Variants in RAD52 observed in about 807,000 individuals in gnomAD.
The protein encoded by RAD52 is RAD52 DNA repair protein.
A neutral mutation model predicts 55.5 loss-of-function variants in RAD52; 47 were observed. The observed-to-expected ratio is 0.85, with a 90% CI of 0.67 to 1.08. The LOEUF (loss-of-function observed/expected upper bound fraction) is 1.08. Ranked by LOEUF, RAD52 falls within the 50% of genes least tolerant of loss-of-function variation. The pLI, the probability that RAD52 is intolerant of heterozygous loss-of-function variation, is 0.00. For missense variants in RAD52, 468 were observed against 522.8 expected (o/e 0.90, Z 1.02); for synonymous variants, 184 against 198.9 (o/e 0.92, Z 0.63).
intron 1 of RAD52, among the ~76,000 whole-genome samples, chr12:969,851 G>C (rs1472096335): frequency 2.6e-5 from 4 of 151,858 alleles, no homozygotes; most frequent in Non-Finnish European, 5.9e-5. Context: ...ACAAAATCTG[G>C]GAAAAGTAAA....
At chr12:918,661 T>C (rs2154109697) in intron 7 of RAD52, among the ~76,000 whole-genome samples, 1 of 152,228 alleles carries the variant, frequency 6.6e-6, no homozygotes, top group Non-Finnish European at 1.5e-5. Flanking sequence ...CCTTCTTCCT[T>C]GGCCTCTCAA....
chr12:966,973 G>A (rs189740797), intron 1 of RAD52, among the ~76,000 whole-genome samples: 7 of 152,090 alleles, frequency 4.6e-5, no homozygotes, highest in Middle Eastern at 3.4e-3. Flanking sequence ...AAATATGATG[G>A]CATACAACTG....
In RAD52 at chr12:914,540, TCA is replaced by T. The variant is rs1956254873; in HGVS notation, c.866-10_866-9del. The T allele has an allele frequency of 6.2e-7, 1 of 1,612,904 alleles. No individual in the cohort carries two copies. Among genetic ancestry groups the T allele is most frequent in the African/African-American group, 1.3e-5 (1 of 74,880 alleles). ...GAGGGGCCGGAGGCGCTGCTACGGT[TCA>T]CAGAGGAGAGAAAGGACAAGTCATC... is the stretch of plus-strand genomic sequence containing the variant. On this transcript the variant is annotated splice_polypyrimidine_tract_variant and intron_variant, in intron 9 of 11. Coordinates refer to ENST00000358495, the MANE Select transcript of RAD52 (RefSeq NM_134424.4).
chr12:969,030 A>G (rs1376143987), intron 1 of RAD52, among the ~76,000 whole-genome samples: 3 of 152,136 alleles, frequency 2.0e-5, no homozygotes, highest in African/African-American at 7.3e-5. Context: ...CTGAACATGT[A>G]TAGACTGTTT....
chr12:980,595 CTT>C (rs1959001129), intron 1 of RAD52, among the ~76,000 whole-genome samples: 2 of 68,924 alleles, frequency 2.9e-5, no homozygotes, highest in Admixed American at 2.4e-4. Context: ...CACCCAGCCT[CTT>C]TCTTTCTTTT....
At chr12:933,960 T>A (rs942331322) in intron 1 of RAD52, among the ~76,000 whole-genome samples, 1 of 151,568 alleles carries the variant, frequency 6.6e-6, no homozygotes, top group African/African-American at 2.4e-5. Flanking sequence ...CTACAAAAAA[T>A]TTAAAAATTA....
upstream of RAD52, among the ~76,000 whole-genome samples, chr12:951,534 T>C (rs1211121944): frequency 6.6e-6 from 1 of 152,254 alleles, no homozygotes; most frequent in East Asian, 1.9e-4. Context: ...TTTCTCTCAC[T>C]CTGTTGTTTT....
intron 1 of RAD52, among the ~76,000 whole-genome samples, chr12:978,777 CAGG>C (rs1958969321): frequency 6.6e-6 from 1 of 151,956 alleles, no homozygotes; most frequent in African/African-American, 2.4e-5. Context: ...GAGGCTGAGG[CAGG>C]AGAATTGCTT....
intron 1 of RAD52, among the ~76,000 whole-genome samples, chr12:945,159 C>T (rs1362473895): frequency 3.3e-5 from 5 of 151,792 alleles, no homozygotes; most frequent in Non-Finnish European, 7.4e-5. Context: ...AAGACCAGCC[C>T]GGCTAACATG....
intron 1 of RAD52, among the ~76,000 whole-genome samples, chr12:982,833 C>T (rs1055706946): frequency 1.4e-5 from 2 of 145,180 alleles, no homozygotes; most frequent in African/African-American, 2.5e-5. Context: ...ACTACAGGTG[C>T]GCACCACGAT....
intron 1 of RAD52, among the ~76,000 whole-genome samples, chr12:979,457 G>C (rs1318426866): frequency 6.6e-6 from 1 of 151,784 alleles, no homozygotes; most frequent in African/African-American, 2.4e-5. Context: ...AAAAAAAAAA[G>C]GTTAATTGAG....
In RAD52 at chr12:923,756, T is replaced by C. The variant is rs1280494508; in HGVS notation, c.543+1694A>G. 2.6e-5 allele frequency among the ~76,000 whole-genome samples: 4 copies of C among 151,962 alleles called. 1 individual carries two copies. Among genetic ancestry groups the C allele is most frequent in the Admixed American group, 1.3e-4 (2 of 15,256 alleles). Reference sequence around the variant, plus strand: ...ATAGTTAAAATGTGATGTGTTTTACTACAATTTAAAAAAAGAAAAGGCCGG... The same window carrying C: ...ATAGTTAAAATGTGATGTGTTTTACCACAATTTAAAAAAAGAAAAGGCCGG... On this transcript the variant is annotated intron_variant, in intron 7 of 11. Coordinates refer to ENST00000358495, the MANE Select transcript of RAD52 (RefSeq NM_134424.4).
At chr12:985,144 A>G (rs1460870927) in intron 1 of RAD52, among the ~76,000 whole-genome samples, 2 of 151,944 alleles carry the variant, frequency 1.3e-5, no homozygotes, top group Non-Finnish European at 2.9e-5. Context: ...AAGTCCAATT[A>G]ATTTTATTTT....
intron 1 of RAD52, among the ~76,000 whole-genome samples, chr12:972,496 G>A: frequency 6.6e-6 from 1 of 152,084 alleles, no homozygotes; most frequent in Admixed American, 6.6e-5. Flanking sequence ...GCCAGGCGTG[G>A]TGGCTCACGC....
intron 6 of RAD52, 138 bp from the exon 7 acceptor site, chr12:925,663 G>C (rs1194656844): frequency 1.5e-6 from 1 of 671,388 alleles, no homozygotes; most frequent in African/African-American, 1.8e-5. Flanking sequence ...ATTCCCCATT[G>C]ATGTCTGGTA....
At chr12:945,372 T>A (rs1005350777) in intron 1 of RAD52, among the ~76,000 whole-genome samples, 1 of 149,770 alleles carries the variant, frequency 6.7e-6, no homozygotes, top group Non-Finnish European at 1.5e-5. Flanking sequence ...AGAAAAAAAA[T>A]TTTTAATTGA....
At chr12:927,569 A>C (rs963628707) in intron 5 of RAD52, among the ~76,000 whole-genome samples, 1 of 151,932 alleles carries the variant, frequency 6.6e-6, no homozygotes, top group African/African-American at 2.4e-5. Flanking sequence ...GGTAAAAAAA[A>C]CCTCTGGGAT....
In RAD52 at chr12:961,183, G is replaced by A. The variant is rs892445226; in HGVS notation, c.-18-28107C>T. The stretch of plus-strand genomic sequence containing the variant: ...AAATTAGCTGGGCGTGGTGGCAGGC[G>A]CCTGTAATCCCAGCTACTTGGGAGG... On this transcript the variant is annotated intron_variant, in intron 1 of 11. Coordinates refer to the RAD52 transcript ENST00000430095. 3.5e-4 allele frequency among the ~76,000 whole-genome samples: 53 copies of A among 151,512 alleles called. 1 individual carries two copies. Among genetic ancestry groups the A allele is most frequent in the African/African-American group, 1.2e-3 (50 of 41,340 alleles).
At chr12:958,688 AAGTGTCTGGC>A (rs1321345663) in intron 1 of RAD52, among the ~76,000 whole-genome samples, 1 of 152,174 alleles carries the variant, frequency 6.6e-6, no homozygotes, top group African/African-American at 2.4e-5. Context: ...CCAGGCAATG[AAGTGTCTGGC>A]AGCCTATGGT....
Sources: gnomAD v4.1 joint callset for allele counts (sites outside exome capture counted in the v4.1 genomes callset) on GRCh38, gnomAD v4.1.1 for gene constraint, MANE v1.5 for transcripts, NCBI Gene and HGNC (gene_info 2026-07-23, HGNC 2026-07-21) for gene names.